THADA: variants seen among roughly 807,000 people sequenced by gnomAD.
The protein encoded by THADA is tRNA (32-2'-O)-methyltransferase regulator THADA.
A neutral mutation model predicts 219.8 loss-of-function variants in THADA; 213 were observed. The observed-to-expected ratio is 0.97, with a 90% confidence interval of 0.87 to 1.09. The LOEUF is 1.09. Among genes scored for constraint, THADA ranks in the 50% least tolerant of loss-of-function variants. The pLI is 0.00. For synonymous variants in THADA, 1,018 were observed against 828.9 expected (o/e 1.23, Z -3.92); for missense variants, 2,956 against 2,311.3 (o/e 1.28, Z -5.72).
At chr2:43,506,652 G>C (rs1450622260) in intron 23 of THADA, among the ~76,000 whole-genome samples, 2 of 152,076 alleles carry the variant, frequency 1.3e-5, no homozygotes, top group African/African-American at 4.8e-5. Context: ...ACTAAATAAT[G>C]GTTGTACACC....
At chr2:43,345,774 C>G (rs1667568493) in intron 29 of THADA, among the ~76,000 whole-genome samples, 1 of 152,184 alleles carries the variant, frequency 6.6e-6, no homozygotes, top group South Asian at 2.1e-4. Flanking sequence ...CGCAATTAAT[C>G]AGCAGACACC....
chr2:43,464,383 A>G (rs995574897), intron 26 of THADA, among the ~76,000 whole-genome samples: 3 of 152,232 alleles, frequency 2.0e-5, no homozygotes, highest in Admixed American at 6.5e-5. Context: ...GAATCAATCA[A>G]TGAATACTTT....
intron 31 of THADA, among the ~76,000 whole-genome samples, chr2:43,305,176 A>G (rs917170213): frequency 3.3e-5 from 5 of 152,156 alleles, no homozygotes; most frequent in African/African-American, 4.8e-5. Flanking sequence ...TAAAAAAATT[A>G]TATTTGTAGA....
chr2:43,310,222 T>TTTC lies in THADA; in HGVS notation c.4438+10223_4438+10224insGAA, dbSNP rs1366706553. Among the ~76,000 whole-genome samples, 286 of 64,576 alleles carry TTTC rather than the reference T, an allele frequency of 4.4e-3. 17 individuals are homozygous for TTTC. Among genetic ancestry groups the TTTC allele is most frequent in the African/African-American group, 0.016 (276 of 16,810 alleles). 42.4% of individuals were successfully genotyped at this position (64,576 alleles called of 152,430 possible). On this transcript the variant is annotated intron_variant, in intron 31 of 37. Transcript: ENST00000405975. Reference sequence around the variant, plus strand: ...TCCTCCCTCCCTCCCTCCCTCCCTTTCCCGCCCCCCCCCCAAACAAGCTGA... The same window carrying TTTC: ...TCCTCCCTCCCTCCCTCCCTCCCTTTTTCCCCGCCCCCCCCCCAAACAAGCTGA...
chr2:43,561,475 G>T (rs563843765), intron 15 of THADA, among the ~76,000 whole-genome samples: 2 of 152,096 alleles, frequency 1.3e-5, no homozygotes, highest in Admixed American at 1.3e-4. Context: ...GAAAACTCAA[G>T]AACTGTGGAA....
At chr2:43,454,724 G>A (rs936066087) in intron 26 of THADA, among the ~76,000 whole-genome samples, 7 of 152,058 alleles carry the variant, frequency 4.6e-5, no homozygotes, top group Admixed American at 1.3e-4. Context: ...GTCCTGGAAA[G>A]AAAGAGAAAG....
At chr2:43,402,663 C>T (rs1675002913) in intron 28 of THADA, among the ~76,000 whole-genome samples, 2 of 152,308 alleles carry the variant, frequency 1.3e-5, no homozygotes, top group Admixed American at 6.5e-5. Context: ...CACACTTGGT[C>T]AGGTACCAGA....
At chr2:43,251,634 G>A (rs899892739) in intron 36 of THADA, among the ~76,000 whole-genome samples, 12 of 152,214 alleles carry the variant, frequency 7.9e-5, no homozygotes, top group Admixed American at 4.6e-4. Context: ...GCCACAGGGA[G>A]CTGTGTCCAG....
intron 29 of THADA, among the ~76,000 whole-genome samples, chr2:43,396,247 G>C (rs963015271): frequency 2.6e-5 from 4 of 152,128 alleles, no homozygotes; most frequent in Non-Finnish European, 5.9e-5. Context: ...TCTTTGCATG[G>C]GAGACTCCTT....
intron 20 of THADA, among the ~76,000 whole-genome samples, chr2:43,549,003 C>T (rs974546033): frequency 1.3e-5 from 2 of 152,210 alleles, no homozygotes; most frequent in African/African-American, 4.8e-5. Context: ...TCCTATTCGG[C>T]CATCTTGGCT....
intron 28 of THADA, among the ~76,000 whole-genome samples, chr2:43,417,037 CTTTTTTTTTTTT>C (rs67993873): frequency 1.1e-5 from 1 of 93,780 alleles, no homozygotes; most frequent in Admixed American, 1.2e-4. Context: ...TGGCTGTTTT[CTTTTTTTTTTTT>C]TTTTTTTTTT....
chr2:43,581,376 A>G (rs1456185449), intron 8 of THADA, among the ~76,000 whole-genome samples: 1 of 151,928 alleles, frequency 6.6e-6, no homozygotes, highest in Non-Finnish European at 1.5e-5. Flanking sequence ...TTAAAAATAC[A>G]AAAAATTAGT....
At chr2:43,580,609 G>A (rs191130565) in intron 8 of THADA, among the ~76,000 whole-genome samples, 47 of 151,974 alleles carry the variant, frequency 3.1e-4, no homozygotes, top group African/African-American at 8.4e-4. Context: ...GGCCAGGCGC[G>A]GTGGCTCACA....
At chr2:43,278,075 C>T (rs531408429) in intron 36 of THADA, among the ~76,000 whole-genome samples, 1 of 151,860 alleles carries the variant, frequency 6.6e-6, no homozygotes, top group East Asian at 1.9e-4. Context: ...CTCAGCCTCC[C>T]GAGTAGCTGG....
chr2:43,266,040 A>G (rs112748756), intron 36 of THADA, among the ~76,000 whole-genome samples: 1,604 of 150,492 alleles, frequency 0.011, 16 homozygotes, highest in Non-Finnish European at 0.014. Context: ...ACTATGTTCT[A>G]TGAGTGGCTT....
At chr2:43,477,272 G>C (rs1018577700) in intron 26 of THADA, among the ~76,000 whole-genome samples, 1 of 152,128 alleles carries the variant, frequency 6.6e-6, no homozygotes, top group Non-Finnish European at 1.5e-5. Context: ...GAGAAGGGAA[G>C]AGAGAGAATC....
At chr2:43,261,740 G>A (rs1004564319) in intron 36 of THADA, among the ~76,000 whole-genome samples, 4 of 151,126 alleles carry the variant, frequency 2.6e-5, no homozygotes, top group South Asian at 2.1e-4. Context: ...AGGTTCAAGC[G>A]ATTCTCTTGC....
intron 30 of THADA, among the ~76,000 whole-genome samples, chr2:43,331,091 C>G (rs938558966): frequency 2.6e-5 from 4 of 152,202 alleles, no homozygotes; most frequent in Non-Finnish European, 5.9e-5. Flanking sequence ...GCCCCCACCC[C>G]AGTTTAGACC....
At chr2:43,469,678 C>CA (rs1027025608) in intron 26 of THADA, among the ~76,000 whole-genome samples, 118 of 151,756 alleles carry the variant, frequency 7.8e-4, no homozygotes, top group African/African-American at 2.7e-3. Context: ...TCAAAAAATC[C>CA]AAAAAAACAT....
Sources: gnomAD v4.1 joint callset for allele counts (sites outside exome capture counted in the v4.1 genomes callset) on GRCh38, gnomAD v4.1.1 for gene constraint, MANE v1.5 for transcripts, NCBI Gene and HGNC (gene_info 2026-07-23, HGNC 2026-07-21) for gene names.